The following ITPR1 variants were observed in gnomAD, a reference collection of about 807,000 sequenced individuals.
ITPR1 encodes the protein inositol 1,4,5-trisphosphate-gated calcium channel ITPR1.
Under a neutral mutation model 318.4 loss-of-function variants are expected in ITPR1, and 96 were observed. That is an observed-to-expected ratio of 0.30 (90% CI 0.26 to 0.36). The LOEUF (loss-of-function observed/expected upper bound fraction) is 0.36, where lower values mean the gene tolerates loss of function less well. Ranked by LOEUF, ITPR1 falls within the 10% of genes least tolerant of loss-of-function variation. ITPR1 has a pLI of 1.00. For synonymous variants in ITPR1, 1,312 were observed against 1,289.9 expected, an observed-to-expected ratio of 1.02 and a Z score of -0.37; for missense variants, 2,440 against 3,460.2, an observed-to-expected ratio of 0.71 and a Z score of 7.40.
chr3:4,745,073 C>T (rs1239564796), intron 44 of ITPR1, among the ~76,000 whole-genome samples: 28 of 107,490 alleles, frequency 2.6e-4, no homozygotes, highest in Non-Finnish European at 4.7e-4. Flanking sequence ...TCTGTGTTTT[C>T]TTTCTTTCTC....
intron 60 of ITPR1, among the ~76,000 whole-genome samples, chr3:4,819,704 T>C (rs2049556316): frequency 6.6e-6 from 1 of 152,182 alleles, no homozygotes; most frequent in African/African-American, 2.4e-5. Context: ...AAGGGACTTC[T>C]GGGATGGGGA....
chr3:4,846,171 T>C lies in ITPR1; in HGVS notation c.8223T>C (p.Ile2741=), dbSNP rs2106559082. Residue 2741 remains isoleucine (I), a synonymous_variant, in exon 62 of 62, where the codon ATT becomes ATC. Transcript: ENST00000649015. ...AACAAAGGAAGCAGAAACAAAGAAT[T>C]GGTCTTCTAGGACATCCTCCTCACA... ...MTEQRKQKQR[I]GLLGHPPHMN... 6.4e-7 allele frequency: 1 copy of C among 1,568,364 alleles called. No homozygotes were observed. The highest frequency in any genetic ancestry group is 8.7e-7 in the Non-Finnish European group (1 of 1,155,754).
chr3:4,556,204 C>G (rs574859602), intron 4 of ITPR1, among the ~76,000 whole-genome samples: 2 of 152,314 alleles, frequency 1.3e-5, no homozygotes, highest in Admixed American at 6.5e-5. Flanking sequence ...CACAGCCTCT[C>G]TCACTAGTAA....
At chr3:4,728,472 G>A (rs1167131607) in intron 42 of ITPR1, among the ~76,000 whole-genome samples, 1 of 152,156 alleles carries the variant, frequency 6.6e-6, no homozygotes, top group African/African-American at 2.4e-5. Flanking sequence ...TGGGTACATA[G>A]TAGGTGTATG....
intron 4 of ITPR1, among the ~76,000 whole-genome samples, chr3:4,570,891 T>G (rs894265052): frequency 3.3e-5 from 5 of 152,160 alleles, no homozygotes; most frequent in African/African-American, 1.2e-4. Context: ...CAACAAGAAG[T>G]GCTTTTTTGT....
chr3:4,693,630 C>T lies in ITPR1; in HGVS notation c.4170C>T (p.Leu1390=), dbSNP rs754765208. Residue 1390 remains leucine, a synonymous_variant, in exon 33 of 62, where the codon CTC becomes CTT. Transcript: ENST00000649015. ...PLMYHIHLVE[L]LAVCTEGKNV... is the part of the protein sequence containing the mutation. ...TGTACCACATCCACTTGGTCGAGCT[C>T]CTGGCTGTGTGCACGGAGGGTAAGA... 6.2e-7 allele frequency: 1 copy of T among 1,614,030 alleles called. No homozygotes were observed. Among genetic ancestry groups the T allele is most frequent in the Non-Finnish European group, 8.5e-7 (1 of 1,179,892 alleles).
intron 60 of ITPR1, among the ~76,000 whole-genome samples, chr3:4,821,039 T>C (rs745895589): frequency 6.6e-6 from 1 of 152,186 alleles, no homozygotes; most frequent in Non-Finnish European, 1.5e-5. Flanking sequence ...AGCGGGGGCA[T>C]CCTACCCACT....
Position 4,779,797 on chromosome 3 carries a change from A to G in ITPR1, c.6387+152A>G, listed in dbSNP as rs1224237097. 6.6e-6 allele frequency among the ~76,000 whole-genome samples: 1 copy of G among 151,770 alleles called. No homozygotes were observed. Among genetic ancestry groups the G allele is most frequent in the Non-Finnish European group, 1.5e-5 (1 of 67,908 alleles). On this transcript the variant is annotated intron_variant, in intron 49 of 61. Transcript: ENST00000649015. The surrounding 1 kb of genome is among the most constrained non-coding windows in gnomAD (Gnocchi z 4.0). ...TGAATTCAGGCCTCTGACTGAGTAGAGAAGTGAAATATTTTGGTTGGTGCA... is the reference window on the plus strand; with the variant it reads ...TGAATTCAGGCCTCTGACTGAGTAGGGAAGTGAAATATTTTGGTTGGTGCA...
At chr3:4,799,177 G>C (rs755181631) in intron 53 of ITPR1, among the ~76,000 whole-genome samples, 2 of 152,224 alleles carry the variant, frequency 1.3e-5, no homozygotes, top group Non-Finnish European at 2.9e-5. Context: ...TGTAACCTGA[G>C]ACTCAGTTTC....
intron 4 of ITPR1, among the ~76,000 whole-genome samples, chr3:4,567,097 A>G (rs192691455): frequency 2.2e-3 from 334 of 152,270 alleles, no homozygotes; most frequent in Non-Finnish European, 2.9e-3. Flanking sequence ...TACCTATTTC[A>G]GTGGAATGTT....
chr3:4,652,283 G>T (rs768429769), intron 11 of ITPR1, 65 bp downstream of exon 11: 12 of 1,130,390 alleles, frequency 1.1e-5, no homozygotes, highest in African/African-American at 1.5e-5. Flanking sequence ...TTCCTCATTC[G>T]CCTGTAGCCG....
chr3:4,843,074 G>GT (rs11404208), intron 61 of ITPR1, among the ~76,000 whole-genome samples: 45,836 of 105,142 alleles, frequency 0.44, 10,050 homozygotes, highest in East Asian at 0.82. Flanking sequence ...GTTTTGAGGG[G>GT]TTTTTTTTTT....
In ITPR1 at chr3:4,580,071, G is replaced by A. The variant is rs557651109; in HGVS notation, c.164-47692G>A. ...TAAAAATACAAAAAATTAGCTGGGC[G>A]TAGTGGCAGGAGCCTGTAGTCCCAG... On this transcript the variant is annotated intron_variant, in intron 4 of 61. Transcript: ENST00000649015. 9.2e-5 allele frequency among the ~76,000 whole-genome samples: 14 copies of A among 152,154 alleles called. No homozygotes were observed. The East Asian group carries it at 2.1e-3, about 23-fold the overall frequency.
rs373840439 is a variant in ITPR1 at position 4,681,924 on chromosome 3, C to A, written c.3161+506C>A. ...ATGTATGAACCCCTTTAAAAAAAAA[C>A]CGCACTGGTCAATTTTGACTTAAGA... is the stretch of plus-strand genomic sequence containing the variant. On this transcript the variant is annotated intron_variant, in intron 26 of 61. Transcript: ENST00000649015. Among the ~76,000 whole-genome samples, 12 of 152,018 alleles carry A rather than the reference C, an allele frequency of 7.9e-5. No individual in the cohort carries two copies. The South Asian group carries it at 2.1e-3, about 26-fold the overall frequency.
chr3:4,661,733 C>T (rs185752499), intron 14 of ITPR1, among the ~76,000 whole-genome samples: 11 of 152,282 alleles, frequency 7.2e-5, no homozygotes, highest in Non-Finnish European at 1.3e-4. Context: ...TTATAATGCT[C>T]CTCACTTAGA....
In ITPR1 at chr3:4,699,851, G is replaced by A. The variant is rs770919880; in HGVS notation, c.4446G>A (p.Ser1482=). The A allele has an allele frequency of 1.5e-5, 25 of 1,613,662 alleles. No individual in the cohort carries two copies. Among genetic ancestry groups the A allele is most frequent in the Middle Eastern group, 1.6e-4 (1 of 6,084 alleles). ...CTAGTGACAGGAAACATGCAGACTC[G>A]ATTTTGGAGAAGTATGTCACCGAAA... The part of the protein sequence containing the change: ...NNTSDRKHAD[S]ILEKYVTEIV... The change falls in exon 35 of 62, where the codon TCG becomes TCA. Residue 1482 remains serine, a synonymous_variant. Coordinates refer to ENST00000649015, the MANE Select transcript of ITPR1 (RefSeq NM_001378452.1).
chr3:4,612,212 C>G (rs781198981), intron 4 of ITPR1, among the ~76,000 whole-genome samples: 1 of 151,986 alleles, frequency 6.6e-6, no homozygotes, highest in Non-Finnish European at 1.5e-5. Flanking sequence ...CAGGCGCCCA[C>G]CACCACGCCT....
chr3:4,806,331 C>A, intron 55 of ITPR1, 64 bp downstream of exon 55: 1 of 1,451,562 alleles, frequency 6.9e-7, no homozygotes, highest in Non-Finnish European at 9.7e-7. Flanking sequence ...TATGTCCTCT[C>A]TCTCATCACA....
chr3:4,545,720 C>CAT (rs1011922719), intron 4 of ITPR1, among the ~76,000 whole-genome samples: 3 of 109,520 alleles, frequency 2.7e-5, no homozygotes, highest in Non-Finnish European at 5.2e-5. Flanking sequence ...TTTTTAAAGA[C>CAT]AGAGTCTTGC....
Sources: allele counts gnomAD v4.1 joint callset (sites outside exome capture counted in the v4.1 genomes callset), GRCh38; gene constraint gnomAD v4.1.1; non-coding constraint Gnocchi (gnomAD v3.1); transcripts MANE v1.5; gene names NCBI Gene and HGNC (gene_info 2026-07-23, HGNC 2026-07-21).